INPP4B: variants seen among roughly 807,000 people sequenced by gnomAD.
The protein encoded by INPP4B is inositol polyphosphate-4-phosphatase type II B, also known as inositol polyphosphate 4-phosphatase type II.
Under a neutral mutation model 122.5 loss-of-function variants are expected in INPP4B, and 55 were observed. The observed-to-expected ratio is 0.45, with a 90% CI of 0.36 to 0.56. The LOEUF (loss-of-function observed/expected upper bound fraction) is 0.56. INPP4B is among the 20% of genes least tolerant of loss of function. INPP4B has a pLI of 0.00. For missense variants in INPP4B, 1,000 were observed against 1,097.7 expected, an observed-to-expected ratio of 0.91 and a Z score of 1.26; for synonymous variants, 403 against 388.7, an observed-to-expected ratio of 1.04 and a Z score of -0.43.
At chr4:142,138,669 C>T (rs1806042076) in intron 18 of INPP4B, among the ~76,000 whole-genome samples, 1 of 152,148 alleles carries the variant, frequency 6.6e-6, no homozygotes, top group South Asian at 2.1e-4. Context: ...AGGCAAATTA[C>T]TTAACCCCTT....
chr4:142,405,159 AAGAG>A (rs3076598), intron 6 of INPP4B, 43 bp downstream of exon 6: 301,494 of 960,634 alleles, frequency 0.31, 35,438 homozygotes, highest in South Asian at 0.35. Flanking sequence ...GCGAGCCAGC[AAGAG>A]AGAGAGAGAG....
intron 1 of INPP4B, among the ~76,000 whole-genome samples, chr4:142,734,731 C>T (rs938190059): frequency 6.6e-6 from 1 of 152,096 alleles, no homozygotes; most frequent in East Asian, 1.9e-4. Context: ...CTGCAACCTC[C>T]GCCTCCCGGG....
chr4:142,410,748 A>G (rs992562381), intron 5 of INPP4B, among the ~76,000 whole-genome samples: 1 of 152,210 alleles, frequency 6.6e-6, no homozygotes, highest in African/African-American at 2.4e-5. Context: ...TAAATTTGCT[A>G]TAAAGACAAT....
intron 7 of INPP4B, among the ~76,000 whole-genome samples, chr4:142,324,711 T>A (rs1386919474): frequency 1.3e-5 from 2 of 152,254 alleles, no homozygotes; most frequent in African/African-American, 4.8e-5. Context: ...CCCTAGGGCA[T>A]CTCTTGCCTG....
intron 7 of INPP4B, among the ~76,000 whole-genome samples, chr4:142,372,139 G>T (rs1378019953): frequency 6.6e-6 from 1 of 152,058 alleles, no homozygotes; most frequent in Non-Finnish European, 1.5e-5. Context: ...CTGAAACATG[G>T]ATGGAACTGG....
intron 23 of INPP4B, among the ~76,000 whole-genome samples, chr4:142,098,517 G>T (rs1168618013): frequency 1.3e-5 from 2 of 152,116 alleles, no homozygotes; most frequent in African/African-American, 2.4e-5. Flanking sequence ...GGAAGCTGTT[G>T]CCAAAACCTA....
At chr4:142,116,606 G>C (rs1243769587) in intron 21 of INPP4B, among the ~76,000 whole-genome samples, 1 of 152,162 alleles carries the variant, frequency 6.6e-6, no homozygotes, top group Non-Finnish European at 1.5e-5. Flanking sequence ...GATGTTCTTT[G>C]AAACCAATGA....
intron 12 of INPP4B, among the ~76,000 whole-genome samples, chr4:142,236,787 G>A (rs1178062848): frequency 3.3e-5 from 5 of 152,006 alleles, no homozygotes; most frequent in Non-Finnish European, 5.9e-5. Flanking sequence ...GAATCCCTAC[G>A]GGCTTCAGAG....
At chr4:142,744,907 A>C (rs549464356) in intron 1 of INPP4B, among the ~76,000 whole-genome samples, 39 of 151,800 alleles carry the variant, frequency 2.6e-4, no homozygotes, top group Admixed American at 2.0e-3. Flanking sequence ...TAAAAGCAAT[A>C]ATCGTTTCAC....
chr4:142,180,053 A>T (rs1467872244), intron 15 of INPP4B, among the ~76,000 whole-genome samples: 1 of 152,156 alleles, frequency 6.6e-6, no homozygotes, highest in African/African-American at 2.4e-5. Context: ...CAGGAGTAAA[A>T]ATCATACCCC....
chr4:142,509,344 C>G (rs1282429436), intron 2 of INPP4B, among the ~76,000 whole-genome samples: 1 of 152,156 alleles, frequency 6.6e-6, no homozygotes, highest in African/African-American at 2.4e-5. Context: ...CCGTCATCTA[C>G]ATAGGTATTT....
intron 1 of INPP4B, among the ~76,000 whole-genome samples, chr4:142,837,678 C>T (rs1329772352): frequency 6.6e-6 from 1 of 152,036 alleles, no homozygotes; most frequent in Non-Finnish European, 1.5e-5. Flanking sequence ...AAAAATCCCT[C>T]AATACTGGTG....
At chr4:142,190,554 A>G (rs946388139) in intron 15 of INPP4B, among the ~76,000 whole-genome samples, 1 of 152,184 alleles carries the variant, frequency 6.6e-6, no homozygotes, top group African/African-American at 2.4e-5. Flanking sequence ...CCTATGGAGA[A>G]TTCTTTTAAG....
At chr4:142,050,082 C>A (rs1168279120) in intron 25 of INPP4B, among the ~76,000 whole-genome samples, 1 of 151,928 alleles carries the variant, frequency 6.6e-6, no homozygotes, top group African/African-American at 2.4e-5. Flanking sequence ...GAATTAATTA[C>A]TATTGTTAGG....
chr4:142,175,532 T>C (rs1295666245), intron 15 of INPP4B, among the ~76,000 whole-genome samples: 1 of 152,124 alleles, frequency 6.6e-6, no homozygotes, highest in Admixed American at 6.6e-5. Flanking sequence ...CTAGTTTACT[T>C]GTAGACTTTT....
chr4:142,352,073 T>G (rs1266306780), intron 7 of INPP4B, among the ~76,000 whole-genome samples: 1 of 152,078 alleles, frequency 6.6e-6, no homozygotes, highest in Non-Finnish European at 1.5e-5. Context: ...TGATGGGGTG[T>G]TCAGTAAAAT....
chr4:142,630,748 C>T (rs1384190137), intron 2 of INPP4B, among the ~76,000 whole-genome samples: 1 of 152,070 alleles, frequency 6.6e-6, no homozygotes, highest in African/African-American at 2.4e-5. Flanking sequence ...TATATAGCCT[C>T]ACAGCACTAG....
chr4:142,601,376 A>C (rs1188042391), intron 2 of INPP4B, among the ~76,000 whole-genome samples: 1 of 152,166 alleles, frequency 6.6e-6, no homozygotes, highest in Non-Finnish European at 1.5e-5. Flanking sequence ...GTATGGTATA[A>C]AATTAAAATC....
chr4:142,602,987 A>T (rs1740388138), intron 2 of INPP4B, among the ~76,000 whole-genome samples: 1 of 152,182 alleles, frequency 6.6e-6, no homozygotes, highest in Non-Finnish European at 1.5e-5. Context: ...AGACTGGACA[A>T]AGAAAATGAT....
Sources: gnomAD v4.1 joint callset for allele counts (sites outside exome capture counted in the v4.1 genomes callset) on GRCh38, gnomAD v4.1.1 for gene constraint, MANE v1.5 for transcripts, NCBI Gene and HGNC (gene_info 2026-07-23, HGNC 2026-07-21) for gene names.